SRGAP2: variants seen among roughly 807,000 people sequenced by gnomAD.
SRGAP2 encodes SLIT-ROBO Rho GTPase activating protein 2, also known as SLIT-ROBO Rho GTPase-activating protein 2.
SRGAP2 carries 15 observed loss-of-function variants against 57.2 expected under a neutral mutation model. The ratio of observed to expected loss-of-function variants is 0.26; its 90% CI spans 0.18 to 0.40. The LOEUF (loss-of-function observed/expected upper bound fraction) is 0.40. SRGAP2 is among the 10% of genes least tolerant of loss of function. The pLI, the probability that SRGAP2 is intolerant of heterozygous loss-of-function variation, is 1.00. For missense variants in SRGAP2, 520 were observed against 669.6 expected (o/e 0.78, Z 2.47); for synonymous variants, 249 against 248.0 (o/e 1.00, Z -0.04).
intron 4 of SRGAP2, among the ~76,000 whole-genome samples, chr1:206,370,806 C>T (rs1654477423): frequency 6.6e-6 from 1 of 152,086 alleles, no homozygotes; most frequent in African/African-American, 2.4e-5. Context: ...AATGCAGTAA[C>T]TAAAAGAGCT....
intron 3 of SRGAP2, among the ~76,000 whole-genome samples, chr1:206,306,058 G>C (rs1672174631): frequency 6.6e-6 from 1 of 151,774 alleles, no homozygotes; most frequent in Admixed American, 6.6e-5. Context: ...ATTTAAAATA[G>C]CATTTGATTT....
chr1:206,415,551 G>A (rs1302762938), intron 10 of SRGAP2, among the ~76,000 whole-genome samples: 1 of 152,192 alleles, frequency 6.6e-6, no homozygotes, highest in Non-Finnish European at 1.5e-5. Flanking sequence ...GATAGCAGGT[G>A]TGTGTCCTCA....
At chr1:206,237,677 A>G (rs1180469076) in intron 2 of SRGAP2, among the ~76,000 whole-genome samples, 7 of 151,798 alleles carry the variant, frequency 4.6e-5, no homozygotes, top group Non-Finnish European at 7.4e-5. Flanking sequence ...ATAATTTAAT[A>G]TGTAATTAAA....
chr1:206,456,210 G>C lies in SRGAP2; in HGVS notation c.2507+1186G>C, dbSNP rs1346625315. ...TTTTTTCCACCCAGACGGTAGCAGG[G>C]GGAGTGGTTGGGGCACGTGGCTCTT... On this transcript the variant is annotated intron_variant, in intron 21 of 22. Transcript: ENST00000573034. 5 of 152,140 alleles carry C rather than the reference G, an allele frequency of 3.3e-5. No homozygotes were observed. In the East Asian group the frequency reaches 7.7e-4, roughly 23 times the overall value. 9.4% of individuals were successfully genotyped at this position (152,140 alleles called of 1,614,324 possible).
At chr1:206,427,934 C>A (rs1660946359) in intron 13 of SRGAP2, among the ~76,000 whole-genome samples, 1 of 152,100 alleles carries the variant, frequency 6.6e-6, no homozygotes. Flanking sequence ...CATAGCAAGA[C>A]CCTCTATGTA....
At chr1:206,228,853 C>A (rs1293631861) in intron 2 of SRGAP2, among the ~76,000 whole-genome samples, 1 of 150,636 alleles carries the variant, frequency 6.6e-6, no homozygotes, top group Non-Finnish European at 1.5e-5. Flanking sequence ...AGATTACATT[C>A]CTTCTCAACC....
intron 4 of SRGAP2, among the ~76,000 whole-genome samples, chr1:206,354,388 T>G: frequency 6.6e-6 from 1 of 152,196 alleles, no homozygotes; most frequent in African/African-American, 2.4e-5. Flanking sequence ...TACTGTATAC[T>G]TAAGGCATGG....
At chr1:206,410,723 CT>C (rs1659145707) in intron 10 of SRGAP2, among the ~76,000 whole-genome samples, 1 of 152,242 alleles carries the variant, frequency 6.6e-6, no homozygotes, top group Non-Finnish European at 1.5e-5. Context: ...GATCTGCGTC[CT>C]TTTTAAATGG....
chr1:206,411,779 A>T (rs1158406186), intron 10 of SRGAP2, among the ~76,000 whole-genome samples: 1 of 152,256 alleles, frequency 6.6e-6, no homozygotes, highest in Non-Finnish European at 1.5e-5. Flanking sequence ...AAATTTGAAA[A>T]GCATTCTAGT....
Position 206,462,684 on chromosome 1 carries a change from C to G in SRGAP2, c.*1264C>G, listed in dbSNP as rs1361028795. On this transcript the variant is annotated 3_prime_UTR_variant, in exon 23 of 23. Transcript: ENST00000573034. ...GCAAACAAGGACAATTAAGGGAACC[C>G]TGACCCCACAGGCTCTCAAGTCTTC... 1 of 152,196 alleles carries G rather than the reference C, an allele frequency of 6.6e-6. No homozygotes were observed. Among genetic ancestry groups the G allele is most frequent in the African/African-American group, 2.4e-5 (1 of 41,450 alleles). 9.4% of individuals were successfully genotyped at this position (152,196 alleles called of 1,614,324 possible).
intron 14 of SRGAP2, 64 bp from the exon 15 acceptor site, chr1:206,436,901 G>T: frequency 1.3e-6 from 1 of 778,348 alleles, no homozygotes; most frequent in Non-Finnish European, 2.4e-6. Flanking sequence ...ATTCAACTAA[G>T]CTTGGCACTA....
intron 5 of SRGAP2, among the ~76,000 whole-genome samples, chr1:206,387,109 G>A (rs1553348835): frequency 2.4e-5 from 3 of 124,450 alleles, no homozygotes; most frequent in African/African-American, 9.7e-5. Flanking sequence ...CTGGGGGACA[G>A]AGCAAGACTC....
chr1:206,386,796 C>CAAA (rs1225123382), intron 5 of SRGAP2, among the ~76,000 whole-genome samples: 7 of 90,348 alleles, frequency 7.7e-5, no homozygotes, highest in Non-Finnish European at 1.6e-4. Flanking sequence ...GAGACTGTCT[C>CAAA]AAAAAAAAAA....
intron 2 of SRGAP2, among the ~76,000 whole-genome samples, chr1:206,238,991 T>G (rs549253529): frequency 6.6e-6 from 1 of 152,170 alleles, no homozygotes; most frequent in African/African-American, 2.4e-5. Flanking sequence ...GGGCTCCATT[T>G]GGGAGCAGTG....
intron 3 of SRGAP2, among the ~76,000 whole-genome samples, chr1:206,326,806 G>T (rs1309959704): frequency 6.6e-6 from 1 of 152,188 alleles, no homozygotes; most frequent in Non-Finnish European, 1.5e-5. Flanking sequence ...AGCTGCATTA[G>T]GCACAGAAGA....
chr1:206,240,826 G>A (rs1444354257), intron 2 of SRGAP2, among the ~76,000 whole-genome samples: 2 of 152,092 alleles, frequency 1.3e-5, no homozygotes, highest in African/African-American at 4.8e-5. Context: ...TTCCCATAGG[G>A]CTGCTGAACC....
intron 3 of SRGAP2, among the ~76,000 whole-genome samples, chr1:206,314,399 G>T (rs1672915513): frequency 6.6e-6 from 1 of 152,216 alleles, no homozygotes; most frequent in Non-Finnish European, 1.5e-5. Flanking sequence ...CTCCCAAAGT[G>T]CTGGGATTAC....
At chr1:206,319,133 C>T (rs1325681450) in intron 3 of SRGAP2, among the ~76,000 whole-genome samples, 5 of 151,298 alleles carry the variant, frequency 3.3e-5, no homozygotes, top group East Asian at 1.9e-4. Context: ...ACAGAGGTGC[C>T]GGGTGCGGTG....
rs1553361775 is a variant in SRGAP2, at chr1:206,415,992, T to C, written c.1441+19T>C. 1.3e-6 allele frequency: 1 copy of C among 777,420 alleles called. No homozygotes were observed. Among genetic ancestry groups the C allele is most frequent in the Admixed American group, 1.7e-5 (1 of 58,670 alleles). The allele number at this position is 777,420 out of a possible 1,614,324, so 48.2% of individuals were successfully genotyped here. A position where few individuals can be genotyped will look rare whatever the true frequency, so the allele number is the denominator to read the frequency against. On this transcript the variant is annotated intron_variant, in intron 11 of 22. Coordinates refer to ENST00000573034, the MANE Select transcript of SRGAP2 (RefSeq NM_015326.5). ...GGAGAAAGTGAGTGTGGGAACCCTC[T>C]GCTAGAGGCTTGACAGTGAGGCCAG...
Sources: allele counts gnomAD v4.1 joint callset (sites outside exome capture counted in the v4.1 genomes callset), GRCh38; gene constraint gnomAD v4.1.1; transcripts MANE v1.5; gene names NCBI Gene and HGNC (gene_info 2026-07-23, HGNC 2026-07-21).